GABRA1: variants seen among roughly 807,000 people sequenced by gnomAD.
GABRA1 encodes gamma-aminobutyric acid type A receptor subunit alpha1.
A neutral mutation model predicts 48.9 loss-of-function variants in GABRA1; 9 were observed. That is an observed-to-expected ratio of 0.18 (90% confidence interval 0.11 to 0.32). GABRA1 has a LOEUF of 0.32. Ranked by LOEUF, GABRA1 falls within the 10% of genes least tolerant of loss-of-function variation. The pLI is 1.00. For synonymous variants in GABRA1, 210 were observed against 198.7 expected (o/e 1.06, Z -0.48); for missense variants, 285 against 553.8 (o/e 0.51, Z 4.87).
chr5:161,862,111 A>G (rs1757885072), intron 3 of GABRA1, among the ~76,000 whole-genome samples: 1 of 151,832 alleles, frequency 6.6e-6, no homozygotes, highest in South Asian at 2.1e-4. Flanking sequence ...TTTTTATTAC[A>G]GTCACTCTTG....
At chr5:161,865,027 C>A (rs1757999655) in intron 3 of GABRA1, among the ~76,000 whole-genome samples, 1 of 151,948 alleles carries the variant, frequency 6.6e-6, no homozygotes, top group South Asian at 2.1e-4. Context: ...TGTCTGTGTT[C>A]AGTTATTATA....
chr5:161,899,070 C>T lies in GABRA1; in HGVS notation c.*1648C>T, dbSNP rs574602367. 6.6e-6 allele frequency: 1 copy of T among 152,418 alleles called. No homozygotes were observed. The highest frequency in any genetic ancestry group is 1.5e-5 in the Non-Finnish European group (1 of 67,948). The allele number at this position is 152,418 out of a possible 1,614,324, so 9.4% of individuals were successfully genotyped here. On this transcript the variant is annotated 3_prime_UTR_variant, in exon 10 of 10. Transcript: ENST00000393943. The stretch of plus-strand genomic sequence containing the variant: ...TCTCCTTTTGTCTGATAGAGTTTAA[C>T]AGATATTTAAATTTAGTGCTCAGAA...
intron 7 of GABRA1, among the ~76,000 whole-genome samples, chr5:161,883,297 G>A (rs1443833701): frequency 6.6e-6 from 1 of 152,094 alleles, no homozygotes; most frequent in East Asian, 1.9e-4. Flanking sequence ...CCACATTATT[G>A]ATCACTCCAT....
At chr5:161,859,934 C>G (rs1295949593) in intron 3 of GABRA1, among the ~76,000 whole-genome samples, 1 of 151,594 alleles carries the variant, frequency 6.6e-6, no homozygotes, top group African/African-American at 2.4e-5. Context: ...TTTTGAAATT[C>G]TACTCTGGAA....
At chr5:161,856,725 G>A (rs997362955) in intron 3 of GABRA1, among the ~76,000 whole-genome samples, 37 of 150,624 alleles carry the variant, frequency 2.5e-4, no homozygotes, top group African/African-American at 8.8e-4. Context: ...GAATAAAATG[G>A]CACATGTTTA....
At chr5:161,879,240 C>G (rs1754501915) in intron 6 of GABRA1, among the ~76,000 whole-genome samples, 1 of 152,146 alleles carries the variant, frequency 6.6e-6, no homozygotes, top group Non-Finnish European at 1.5e-5. Flanking sequence ...TCCTGAGTAG[C>G]TGGGACTACA....
chr5:161,853,086 A>G (rs1757512946), intron 2 of GABRA1, among the ~76,000 whole-genome samples: 1 of 151,872 alleles, frequency 6.6e-6, no homozygotes, highest in South Asian at 2.1e-4. Flanking sequence ...TCAAGGTCAG[A>G]ACTATGATTG....
At chr5:161,881,122 T>G (rs1313086772) in intron 6 of GABRA1, among the ~76,000 whole-genome samples, 2 of 152,236 alleles carry the variant, frequency 1.3e-5, no homozygotes, top group Non-Finnish European at 2.9e-5. Flanking sequence ...ATTGAGGGCC[T>G]CAGGCCCTGT....
intron 8 of GABRA1, among the ~76,000 whole-genome samples, chr5:161,895,441 C>A (rs1755318459): frequency 1.3e-5 from 2 of 152,124 alleles, no homozygotes; most frequent in Admixed American, 6.5e-5. Context: ...AATAGCAGAG[C>A]AATTTATTCC....
At chr5:161,855,647 A>T (rs559317569) in intron 3 of GABRA1, among the ~76,000 whole-genome samples, 1 of 151,382 alleles carries the variant, frequency 6.6e-6, no homozygotes, top group East Asian at 1.9e-4. Flanking sequence ...TTGGCTTCAA[A>T]TTTTTTTTAA....
chr5:161,849,425 C>A (rs947403563), intron 1 of GABRA1, among the ~76,000 whole-genome samples: 1 of 152,090 alleles, frequency 6.6e-6, no homozygotes, highest in African/African-American at 2.4e-5. Flanking sequence ...TTGTCATAGT[C>A]AACTAATCTG....
chr5:161,865,963 T>G (rs757984209), intron 4 of GABRA1, among the ~76,000 whole-genome samples, 175 bp downstream of exon 4: 1 of 152,128 alleles, frequency 6.6e-6, no homozygotes, highest in South Asian at 2.1e-4. Flanking sequence ...AGAAAAATAC[T>G]CATTTGCATT....
At chr5:161,880,629 T>A (rs1347285231) in intron 6 of GABRA1, among the ~76,000 whole-genome samples, 3 of 152,240 alleles carry the variant, frequency 2.0e-5, no homozygotes, top group Non-Finnish European at 4.4e-5. Context: ...ATTTTGTTTT[T>A]AAAAACCATC....
chr5:161,891,117 A>C, intron 8 of GABRA1, 67 bp downstream of exon 8: 1 of 1,447,408 alleles, frequency 6.9e-7, no homozygotes, highest in Non-Finnish European at 9.7e-7. Flanking sequence ...TATCTGTGAC[A>C]CTGCAAAGAG....
In GABRA1 at chr5:161,897,126, G is replaced by C. The variant is rs2113469368; in HGVS notation, c.1075G>C (p.Asp359His). The C allele has an allele frequency of 1.2e-6, 2 of 1,613,938 alleles. No individual in the cohort carries two copies. Among genetic ancestry groups the C allele is most frequent in the South Asian group, 1.1e-5 (1 of 91,054 alleles). ...CTTTCTACAGCCAAAGAAAGTAAAG[G>C]ATCCTCTTATTAAGAAAAACAACAC... ...VVPEKPKKVKDPLIKKNNTYA... is the reference protein window; with the variant it reads ...VVPEKPKKVKHPLIKKNNTYA... Residue 359 changes from aspartate (D) to histidine (H), a missense_variant, in exon 10 of 10, where the codon GAT (aspartate) becomes CAT (histidine). Asp to His is a moderately conservative substitution (Grantham distance 81). This residue lies in a region of GABRA1 where 99 missense variants were observed against 94.2 expected (regional missense o/e 1.05). Transcript: ENST00000393943.
At chr5:161,854,324 TCACAGCC>T (rs985387808) in intron 3 of GABRA1, 54 bp downstream of exon 3, 103 of 907,770 alleles carry the variant, frequency 1.1e-4, no homozygotes, top group Middle Eastern at 6.4e-4. Context: ...ATCTTTACTA[TCACAGCC>T]TTAATTTACC....
chr5:161,870,110 G>T (rs1754040458), intron 4 of GABRA1, among the ~76,000 whole-genome samples: 1 of 152,124 alleles, frequency 6.6e-6, no homozygotes. Context: ...TCTCACGATT[G>T]CAGGGTGAAT....
At chr5:161,851,060 G>T (rs1453087303) in intron 2 of GABRA1, among the ~76,000 whole-genome samples, 176 bp downstream of exon 2, 1 of 152,146 alleles carries the variant, frequency 6.6e-6, no homozygotes, top group Non-Finnish European at 1.5e-5. Flanking sequence ...CATTATGTTT[G>T]CACGTTAGTT....
intron 7 of GABRA1, among the ~76,000 whole-genome samples, chr5:161,887,027 G>A (rs1054366828): frequency 1.4e-4 from 21 of 152,046 alleles, no homozygotes; most frequent in Non-Finnish European, 1.8e-4. Context: ...AATTGATCAC[G>A]AAGCATAACA....
Sources: gnomAD v4.1 joint callset for allele counts (sites outside exome capture counted in the v4.1 genomes callset) on GRCh38, gnomAD v4.1.1 for gene constraint, gnomAD v4.1.1 regional missense constraint, MANE v1.5 for transcripts, NCBI Gene and HGNC (gene_info 2026-07-23, HGNC 2026-07-21) for gene names.